The following PLXDC2 variants were observed in gnomAD, a reference collection of about 807,000 sequenced individuals.
PLXDC2 encodes plexin domain containing 2.
Under a neutral mutation model 68.9 loss-of-function variants are expected in PLXDC2, and 40 were observed. The observed-to-expected ratio is 0.58, with a 90% CI of 0.45 to 0.76. PLXDC2 has a LOEUF of 0.76. Among genes scored for constraint, PLXDC2 ranks in the 30% least tolerant of loss-of-function variants. The probability of loss-of-function intolerance (pLI) is 0.00; values close to 1 mark genes in which losing one functional copy is unlikely to be tolerated. For synonymous variants in PLXDC2, 243 were observed against 234.2 expected (o/e 1.04, Z -0.34); for missense variants, 644 against 661.9 (o/e 0.97, Z 0.30).
chr10:19,994,757 G>T (rs71491169), intron 1 of PLXDC2, among the ~76,000 whole-genome samples: 33,591 of 150,456 alleles, frequency 0.22, 4,614 homozygotes, highest in Non-Finnish European at 0.32. Context: ...TTTTTTTTGT[G>T]TGTGTGACAG....
intron 1 of PLXDC2, among the ~76,000 whole-genome samples, chr10:19,821,621 G>A (rs931811377): frequency 6.6e-6 from 1 of 152,220 alleles, no homozygotes; most frequent in African/African-American, 2.4e-5. Context: ...GAACTGAACT[G>A]ACTAGAACTA....
chr10:20,104,268 A>G (rs1285850596), intron 4 of PLXDC2, among the ~76,000 whole-genome samples: 2 of 152,204 alleles, frequency 1.3e-5, no homozygotes, highest in African/African-American at 4.8e-5. Flanking sequence ...ACTTCTGGGC[A>G]ATAGGATCAA....
chr10:19,984,109 A>T (rs564702385), intron 1 of PLXDC2, among the ~76,000 whole-genome samples: 1 of 152,292 alleles, frequency 6.6e-6, no homozygotes, highest in Admixed American at 6.5e-5. Context: ...AGTTTCACAT[A>T]TGTATTTCCT....
At chr10:20,064,535 G>C (rs1208327574) in intron 3 of PLXDC2, among the ~76,000 whole-genome samples, 1 of 152,078 alleles carries the variant, frequency 6.6e-6, no homozygotes, top group Non-Finnish European at 1.5e-5. Flanking sequence ...CCAGGGTTCT[G>C]TTAGCCTTTT....
chr10:19,871,376 G>A lies in PLXDC2; in HGVS notation c.112+54185G>A, dbSNP rs544144482. ...ATAAAAGAGCTGTCAAAACATAGAA[G>A]ACAGACCATAGCATCATGTTAGTGC... On this transcript the variant is annotated intron_variant, in intron 1 of 13. Transcript: ENST00000377252. Among the ~76,000 whole-genome samples, 4 of 152,296 alleles carry A rather than the reference G, an allele frequency of 2.6e-5. No individual in the cohort carries two copies. The East Asian group carries it at 5.8e-4, about 22-fold the overall frequency.
chr10:20,028,053 A>T (rs1835432471), intron 2 of PLXDC2, among the ~76,000 whole-genome samples: 1 of 152,236 alleles, frequency 6.6e-6, no homozygotes, highest in African/African-American at 2.4e-5. Context: ...CTTTAAGGAT[A>T]AATTGAAATA....
At chr10:20,169,875 A>C (rs1179650535) in intron 7 of PLXDC2, among the ~76,000 whole-genome samples, 2 of 152,158 alleles carry the variant, frequency 1.3e-5, no homozygotes, top group African/African-American at 4.8e-5. Flanking sequence ...ACTATATCTG[A>C]GTCCCTTAGA....
chr10:19,881,826 G>A (rs1270275693), intron 1 of PLXDC2, among the ~76,000 whole-genome samples: 1 of 152,158 alleles, frequency 6.6e-6, no homozygotes, highest in African/African-American at 2.4e-5. Context: ...AATTTTAAAT[G>A]ATTGGGTCAT....
intron 1 of PLXDC2, among the ~76,000 whole-genome samples, chr10:19,825,827 G>C (rs183916550): frequency 6.6e-6 from 1 of 152,052 alleles, no homozygotes; most frequent in Non-Finnish European, 1.5e-5. Flanking sequence ...TGTAGCTACC[G>C]CTGACCTAAT....
intron 1 of PLXDC2, among the ~76,000 whole-genome samples, chr10:19,827,251 A>G (rs1024289668): frequency 6.6e-6 from 1 of 152,238 alleles, no homozygotes; most frequent in Admixed American, 6.5e-5. Flanking sequence ...TTGTACTGAT[A>G]CACAGTCTTA....
intron 6 of PLXDC2, among the ~76,000 whole-genome samples, chr10:20,155,908 C>T (rs1834210533): frequency 6.6e-6 from 1 of 152,056 alleles, no homozygotes; most frequent in Non-Finnish European, 1.5e-5. Context: ...AAGACAGAGT[C>T]TCATTCTGTT....
At chr10:19,985,824 C>G (rs979848145) in intron 1 of PLXDC2, among the ~76,000 whole-genome samples, 1 of 152,228 alleles carries the variant, frequency 6.6e-6, no homozygotes, top group Admixed American at 6.5e-5. Flanking sequence ...TAAAACCCTT[C>G]CAGTGACTTT....
chr10:20,198,204 C>G (rs1298864431), intron 9 of PLXDC2, among the ~76,000 whole-genome samples: 2 of 152,018 alleles, frequency 1.3e-5, no homozygotes, highest in African/African-American at 4.8e-5. Flanking sequence ...AGACAAGCAG[C>G]TGAAGTATGT....
Position 19,850,181 on chromosome 10 carries a change from A to C in PLXDC2, c.112+32990A>C, listed in dbSNP as rs1057332049. On this transcript the variant is annotated intron_variant, in intron 1 of 13. Coordinates refer to ENST00000377252, the MANE Select transcript of PLXDC2 (RefSeq NM_032812.9). Reference sequence around the variant, plus strand: ...AACCACACTGCCTGACTTCACTGACATAATTGCTTTACATGTCAATTTCCT... The same window carrying C: ...AACCACACTGCCTGACTTCACTGACCTAATTGCTTTACATGTCAATTTCCT... Among the ~76,000 whole-genome samples, 6 of 152,178 alleles carry C rather than the reference A, an allele frequency of 3.9e-5. No individual in the cohort carries two copies. In the East Asian group the frequency reaches 1.2e-3, roughly 29 times the overall value.
intron 13 of PLXDC2, among the ~76,000 whole-genome samples, chr10:20,250,070 C>A (rs1835654552): frequency 6.6e-6 from 1 of 151,998 alleles, no homozygotes; most frequent in South Asian, 2.1e-4. Flanking sequence ...GAGTTCGAGA[C>A]CAGTTTGACC....
intron 12 of PLXDC2, among the ~76,000 whole-genome samples, chr10:20,243,003 C>CGCCTG (rs1274008297): frequency 6.6e-6 from 1 of 152,120 alleles, no homozygotes; most frequent in African/African-American, 2.4e-5. Context: ...TGAGCCACCA[C>CGCCTG]GCCTGGCTCC....
chr10:19,993,495 C>T (rs1275495287), intron 1 of PLXDC2, among the ~76,000 whole-genome samples: 2 of 152,178 alleles, frequency 1.3e-5, no homozygotes, highest in African/African-American at 4.8e-5. Flanking sequence ...TCTCGGTTCA[C>T]TGCAACCTCT....
chr10:20,101,897 G>C (rs1328872075), intron 4 of PLXDC2, among the ~76,000 whole-genome samples: 1 of 151,434 alleles, frequency 6.6e-6, no homozygotes, highest in African/African-American at 2.4e-5. Context: ...TCCCAGGTTC[G>C]AGCAATTCTC....
At position 20,226,799 on chromosome 10, in the gene PLXDC2, G is replaced by C. The variant is rs76807330; in HGVS notation, c.1312+7697G>C. On this transcript the variant is annotated intron_variant, in intron 12 of 13. Coordinates refer to ENST00000377252, the MANE Select transcript of PLXDC2 (RefSeq NM_032812.9). ...CAAAATAATTGACCACCTCCCTTTG[G>C]TGGATACCTACTTTCCTTTCAGTGT... Among the ~76,000 whole-genome samples the C allele has an allele frequency of 9.9e-5, 15 of 152,120 alleles. No homozygotes were observed. The East Asian group carries it at 1.9e-3, about 20-fold the overall frequency.
Sources: allele counts gnomAD v4.1 joint callset (sites outside exome capture counted in the v4.1 genomes callset), GRCh38; gene constraint gnomAD v4.1.1; transcripts MANE v1.5; gene names NCBI Gene and HGNC (gene_info 2026-07-23, HGNC 2026-07-21).